The following TDRD9 variants were observed in gnomAD, a reference collection of about 807,000 sequenced individuals.
TDRD9 encodes the protein ATP-dependent RNA helicase TDRD9.
TDRD9 carries 124 observed loss-of-function variants against 172.6 expected under a neutral mutation model. The observed-to-expected ratio is 0.72, with a 90% CI of 0.62 to 0.83. TDRD9 has a LOEUF of 0.83. Ranked by LOEUF, TDRD9 falls within the 40% of genes least tolerant of loss-of-function variation. The pLI is 0.00. For synonymous variants in TDRD9, 619 were observed against 617.1 expected (o/e 1.00, Z -0.05); for missense variants, 1,479 against 1,714.1 (o/e 0.86, Z 2.42).
chr14:104,030,011 A>T (rs2035233986), intron 28 of TDRD9, among the ~76,000 whole-genome samples: 1 of 152,118 alleles, frequency 6.6e-6, no homozygotes, highest in African/African-American at 2.4e-5. Flanking sequence ...AATACTGGGT[A>T]TCAGGAAGGG....
chr14:104,041,047 C>T (rs769935942), intron 33 of TDRD9, among the ~76,000 whole-genome samples: 2 of 152,198 alleles, frequency 1.3e-5, no homozygotes, highest in African/African-American at 2.4e-5. Flanking sequence ...AGTACTCAGT[C>T]GCCTTTCTTT....
chr14:103,951,090 A>T (rs1285458638), intron 1 of TDRD9, among the ~76,000 whole-genome samples: 1 of 152,236 alleles, frequency 6.6e-6, no homozygotes, highest in East Asian at 1.9e-4. Flanking sequence ...TGTAATTCCC[A>T]TCGCAATGCT....
chr14:104,023,216 G>GAAAAAAA (rs2035019416), intron 24 of TDRD9, among the ~76,000 whole-genome samples: 1 of 124,986 alleles, frequency 8.0e-6, no homozygotes, highest in African/African-American at 3.1e-5. Flanking sequence ...AAAAAAAAAG[G>GAAAAAAA]ATACCTATGG....
chr14:103,928,806 C>G (rs2030153193), intron 1 of TDRD9, 82 bp downstream of exon 1: 1 of 412,714 alleles, frequency 2.4e-6, no homozygotes, highest in Admixed American at 5.1e-5. Context: ...CCAGATCCTT[C>G]TCGCGAGCCC....
intron 25 of TDRD9, 76 bp downstream of exon 25, chr14:104,024,756 AC>A: frequency 6.6e-6 from 1 of 150,516 alleles, no homozygotes; most frequent in Non-Finnish European, 1.1e-5. Context: ...GTTTACACAC[AC>A]ACACACACAC....
At chr14:104,033,720 C>T (rs1023277361) in intron 30 of TDRD9, among the ~76,000 whole-genome samples, 4 of 151,918 alleles carry the variant, frequency 2.6e-5, no homozygotes, top group East Asian at 1.9e-4. Context: ...AAGGAGTGGT[C>T]GGGATCATGC....
intron 13 of TDRD9, 112 bp from the exon 14 acceptor site, chr14:104,004,126 A>T (rs1298326737): frequency 4.0e-6 from 2 of 504,974 alleles, no homozygotes; most frequent in Non-Finnish European, 7.4e-6. Context: ...GTCTGGTGGA[A>T]GATACTTAAG....
chr14:103,969,330 A>G (rs2032918698), intron 5 of TDRD9, among the ~76,000 whole-genome samples: 1 of 151,820 alleles, frequency 6.6e-6, no homozygotes, highest in African/African-American at 2.4e-5. Flanking sequence ...GGGCAGAGGG[A>G]AGATGATGGG....
intron 1 of TDRD9, among the ~76,000 whole-genome samples, chr14:103,955,244 T>C (rs1367526709): frequency 6.6e-6 from 1 of 152,174 alleles, no homozygotes; most frequent in Non-Finnish European, 1.5e-5. Context: ...TTTAATTAGC[T>C]GATTTCAGCT....
At chr14:103,998,601 C>T in intron 12 of TDRD9, 23 bp from the exon 13 acceptor site, 1 of 1,258,774 alleles carries the variant, frequency 7.9e-7, no homozygotes, top group Non-Finnish European at 1.2e-6. Flanking sequence ...ATGGTGTTTA[C>T]AGTCCTTTTT....
In TDRD9 at chr14:103,997,921, G is replaced by T. The variant is rs1312722991; in HGVS notation, c.1379-703G>T. 6.6e-6 allele frequency among the ~76,000 whole-genome samples: 1 copy of T among 152,240 alleles called. No homozygotes were observed. Among genetic ancestry groups the T allele is most frequent in the African/African-American group, 2.4e-5 (1 of 41,552 alleles). ...GAAAGGATGGGAAGAAATGAACAAAGAACCGGTGGCGGCACACAACACTCC... is the reference window on the plus strand; with the variant it reads ...GAAAGGATGGGAAGAAATGAACAAATAACCGGTGGCGGCACACAACACTCC... On this transcript the variant is annotated intron_variant, in intron 12 of 35. Transcript: ENST00000409874. The surrounding 1 kb of genome is among the most constrained non-coding windows in gnomAD (Gnocchi z 5.1).
chr14:103,975,295 A>T, intron 6 of TDRD9, 94 bp from the exon 7 acceptor site: 1 of 1,170,358 alleles, frequency 8.5e-7, no homozygotes. Flanking sequence ...TTGTTAGATA[A>T]GGAGTGAAGC....
At chr14:103,977,382 A>G (rs2033287557) in intron 7 of TDRD9, among the ~76,000 whole-genome samples, 1 of 149,848 alleles carries the variant, frequency 6.7e-6, no homozygotes, top group African/African-American at 2.5e-5. Context: ...AGTCCCAGCT[A>G]CTCGGGAAGC....
chr14:104,016,080 A>T lies in TDRD9; in HGVS notation c.2323A>T (p.Thr775Ser). Residue 775 changes from threonine to serine, a missense_variant, in exon 22 of 36, where the codon ACT becomes TCT. Coordinates refer to ENST00000409874, the MANE Select transcript of TDRD9 (RefSeq NM_153046.3). The stretch of plus-strand genomic sequence containing the variant: ...GCTGGCTGGCAAGGACCCCAAGACA[A>T]CTGTCGTGGTAGGTGCTGGGGGCAG... ...RELAGKDPKTTVVLKHIPPYG... is the reference protein window; with the variant it reads ...RELAGKDPKTSVVLKHIPPYG... 1 of 1,599,130 alleles carries T rather than the reference A, an allele frequency of 6.3e-7. No homozygotes were observed. The highest frequency in any genetic ancestry group is 8.5e-7 in the Non-Finnish European group (1 of 1,172,732).
chr14:104,029,785 C>T (rs11621655), intron 28 of TDRD9, among the ~76,000 whole-genome samples: 1,548 of 152,214 alleles, frequency 0.01, 17 homozygotes, highest in Middle Eastern at 0.041. Context: ...GTTTTCCCCT[C>T]TTCAGTATGG....
intron 14 of TDRD9, 56 bp from the exon 15 acceptor site, chr14:104,005,218 C>T (rs886857129): frequency 9.9e-5 from 157 of 1,584,066 alleles, no homozygotes; most frequent in Non-Finnish European, 1.1e-4. Context: ...TTATGTGAAT[C>T]GGCTAACTGA....
chr14:103,947,962 G>T (rs925446898), intron 1 of TDRD9, among the ~76,000 whole-genome samples: 4 of 152,124 alleles, frequency 2.6e-5, no homozygotes, highest in African/African-American at 9.7e-5. Context: ...TCTGAAAAGG[G>T]ATTAATACAT....
chr14:103,936,836 A>G (rs146198649), intron 1 of TDRD9, among the ~76,000 whole-genome samples: 2,462 of 152,322 alleles, frequency 0.016, 68 homozygotes, highest in African/African-American at 0.056. Flanking sequence ...TCATGCCTGT[A>G]ATCCCAGTGC....
chr14:104,028,094 G>GT (rs1237457798), intron 28 of TDRD9, among the ~76,000 whole-genome samples: 1 of 152,134 alleles, frequency 6.6e-6, no homozygotes. Context: ...CCATTCATCT[G>GT]TTGACGGACA....
Sources: gnomAD v4.1 joint callset for allele counts (sites outside exome capture counted in the v4.1 genomes callset) on GRCh38, gnomAD v4.1.1 for gene constraint, Gnocchi (gnomAD v3.1) non-coding constraint, MANE v1.5 for transcripts, NCBI Gene and HGNC (gene_info 2026-07-23, HGNC 2026-07-21) for gene names.